The following STS variants were observed in gnomAD, a reference collection of about 807,000 sequenced individuals.
STS encodes steroid sulfatase.
In STS, 7 loss-of-function variants were observed where a neutral mutation model predicts 26.8. That is an observed-to-expected ratio of 0.26 (90% confidence interval 0.15 to 0.49). STS has a LOEUF of 0.49. Ranked by LOEUF, STS falls within the 20% of genes least tolerant of loss-of-function variation. The pLI, the probability that STS is intolerant of heterozygous loss-of-function variation, is 0.98. For synonymous variants in STS, 199 were observed against 189.4 expected (o/e 1.05, Z -0.42); for missense variants, 434 against 465.6 (o/e 0.93, Z 0.63).
intron 1 of STS, among the ~76,000 whole-genome samples, chrX:7,190,299 A>G (rs1441977071): frequency 3.6e-5 from 4 of 109,695 alleles, no homozygotes; most frequent in African/African-American, 1.3e-4. Context: ...TGCAGTTCAC[A>G]ATAGGTTTTG....
intron 10 of STS, among the ~76,000 whole-genome samples, chrX:7,336,243 C>G (rs1928019461): frequency 1.0e-5 from 1 of 97,824 alleles, no homozygotes; most frequent in Non-Finnish European, 2.1e-5. Flanking sequence ...AGGACTGCCC[C>G]CCCCACCCGC....
intron 1 of STS, among the ~76,000 whole-genome samples, chrX:7,172,150 G>A (rs141629663): frequency 5.6e-4 from 62 of 111,454 alleles, no homozygotes; most frequent in Non-Finnish European, 8.8e-4. Context: ...TTGAACACAG[G>A]TCATGTGAAT....
At chrX:7,213,279 G>A (rs1601657186) in intron 2 of STS, among the ~76,000 whole-genome samples, 1 of 111,871 alleles carries the variant, frequency 8.9e-6, no homozygotes, top group Admixed American at 9.5e-5. Context: ...TGGCTTAGGG[G>A]CCTTGCTCAA....
upstream of STS, among the ~76,000 whole-genome samples, chrX:7,147,461 G>A (rs1932890756): frequency 9.0e-6 from 1 of 111,606 alleles, no homozygotes; most frequent in South Asian, 3.7e-4. Flanking sequence ...ATCACTCCTC[G>A]CCAGCTGTGA....
chrX:7,162,882 T>TAAAAA (rs758518020), intron 1 of STS, among the ~76,000 whole-genome samples: 3 of 49,771 alleles, frequency 6.0e-5, no homozygotes, highest in East Asian at 6.8e-4. Context: ...CCGTCTATAC[T>TAAAAA]AAAAAAAAAA....
At chrX:7,342,012 A>G (rs1246347806) in intron 10 of STS, among the ~76,000 whole-genome samples, 2 of 110,308 alleles carry the variant, frequency 1.8e-5, no homozygotes, top group Non-Finnish European at 3.8e-5. Context: ...GGGTTTCACC[A>G]TGTTGGCCAG....
chrX:7,333,525 A>G (rs1246106183), intron 9 of STS, among the ~76,000 whole-genome samples: 2 of 112,326 alleles, frequency 1.8e-5, no homozygotes, highest in African/African-American at 6.5e-5. Context: ...GCAATATAGT[A>G]TCTTTTTATT....
intron 7 of STS, among the ~76,000 whole-genome samples, chrX:7,296,885 C>A (rs1198281355): frequency 9.0e-6 from 1 of 111,596 alleles, no homozygotes; most frequent in Non-Finnish European, 1.9e-5. Context: ...ATCACAACAA[C>A]CAGGTACAAC....
intron 10 of STS, 51 bp downstream of exon 10, chrX:7,334,158 A>T (rs1385619579): frequency 8.3e-7 from 1 of 1,208,480 alleles, no homozygotes; most frequent in Admixed American, 2.2e-5. Flanking sequence ...AACCTATGCC[A>T]TGGGAATAGA....
chrX:7,279,292 A>AT (rs1555959584), intron 7 of STS, among the ~76,000 whole-genome samples: 1,812 of 62,689 alleles, frequency 0.029, 67 homozygotes, highest in African/African-American at 0.093. Context: ...AAAAAAAAAA[A>AT]ATATATATAT....
Position 7,253,206 on chromosome X carries a change from A to G in STS, c.7A>G (p.Ile3Val). ...CCTTGTCCTTTACAGGAAGATGAAG[A>G]TCCCTTTCCTCCTACTGTTCTTTCT... is the stretch of plus-strand genomic sequence containing the variant. MK[I>V]PFLLLFFLWE... The change falls in exon 3 of 11, where the codon ATC becomes GTC. Residue 3 changes from isoleucine to valine, a missense_variant. Ile to Val is a conservative substitution (Grantham distance 29). Transcript: ENST00000674429. The G allele has an allele frequency of 8.3e-7, 1 of 1,211,042 alleles. No homozygotes were observed. Among genetic ancestry groups the G allele is most frequent in the Non-Finnish European group, 1.1e-6 (1 of 895,138 alleles).
intron 10 of STS, among the ~76,000 whole-genome samples, chrX:7,349,315 C>CTTTTTTT (rs1928669611): frequency 4.9e-5 from 1 of 20,285 alleles, no homozygotes; most frequent in Non-Finnish European, 9.1e-5. Context: ...TCATTTAATT[C>CTTTTTTT]CTTTTTTTTT....
intron 10 of STS, among the ~76,000 whole-genome samples, chrX:7,334,560 C>T (rs1007296940): frequency 1.2e-4 from 13 of 111,812 alleles, no homozygotes; most frequent in African/African-American, 4.2e-4. Context: ...GGAGGGTACT[C>T]CTCAATGCCC....
intron 1 of STS, 90 bp downstream of exon 1, chrX:7,148,173 CCGCGCA>C: frequency 1.2e-6 from 1 of 858,374 alleles, no homozygotes; most frequent in Non-Finnish European, 1.6e-6. Flanking sequence ...CCCGCCCGCC[CCGCGCA>C]CGCGCACTGA....
chrX:7,220,543 A>ATTTT (rs769097559), intron 2 of STS, among the ~76,000 whole-genome samples: 7 of 64,958 alleles, frequency 1.1e-4, no homozygotes, highest in East Asian at 4.6e-4. Context: ...TGGATGTCAG[A>ATTTT]TTTTTTTTTT....
intron 2 of STS, among the ~76,000 whole-genome samples, chrX:7,228,273 C>A (rs1380564974): frequency 9.0e-6 from 1 of 111,637 alleles, no homozygotes; most frequent in Non-Finnish European, 1.9e-5. Flanking sequence ...AAGGTAGTTC[C>A]ATTTTTTAAT....
At chrX:7,310,372 A>C (rs1184010944) in intron 8 of STS, among the ~76,000 whole-genome samples, 2 of 112,050 alleles carry the variant, frequency 1.8e-5, no homozygotes, top group African/African-American at 6.5e-5. Context: ...TAGGAAATTT[A>C]GTTTATGGCT....
rs139609630 is a variant in STS, at chrX:7,347,901, C to T, written c.1364-1987C>T. 3.2e-4 allele frequency among the ~76,000 whole-genome samples: 36 copies of T among 111,643 alleles called. No homozygotes were observed. The East Asian group carries it at 3.7e-3, about 11-fold the overall frequency. On this transcript the variant is annotated intron_variant, in intron 10 of 10. Transcript: ENST00000674429. ...CCCTGGAAGAAAGTGTGGGATGAGA[C>T]GAGTGGATGGGAAGCATCTTAAGGT...
At chrX:7,341,445 G>A (rs1168462487) in intron 10 of STS, among the ~76,000 whole-genome samples, 1 of 111,376 alleles carries the variant, frequency 9.0e-6, no homozygotes, top group African/African-American at 3.3e-5. Context: ...CTCCATGAAT[G>A]TTCTTTCCTG....
Sources: allele counts gnomAD v4.1 joint callset (sites outside exome capture counted in the v4.1 genomes callset), GRCh38; gene constraint gnomAD v4.1.1; transcripts MANE v1.5; gene names NCBI Gene and HGNC (gene_info 2026-07-23, HGNC 2026-07-21).